The following DCC variants were observed in gnomAD, a reference collection of about 807,000 sequenced individuals.
The protein encoded by DCC is DCC netrin 1 receptor.
In DCC, 58 loss-of-function variants were observed where a neutral mutation model predicts 172.5. That is an observed-to-expected ratio of 0.34 (90% confidence interval 0.27 to 0.42). The LOEUF (loss-of-function observed/expected upper bound fraction) is 0.42. DCC is among the 10% of genes least tolerant of loss of function. The pLI is 1.00. For missense variants in DCC, 1,740 were observed against 1,791.0 expected, an observed-to-expected ratio of 0.97 and a Z score of 0.51; for synonymous variants, 709 against 644.5, an observed-to-expected ratio of 1.10 and a Z score of -1.52.
At chr18:53,101,282 G>C (rs1275834982) in intron 7 of DCC, among the ~76,000 whole-genome samples, 5 of 152,040 alleles carry the variant, frequency 3.3e-5, no homozygotes, top group Admixed American at 1.3e-4. Context: ...ACTTGGCATT[G>C]TGCTTGTTCA....
At chr18:53,321,989 G>C in intron 13 of DCC, 58 bp from the exon 14 acceptor site, 4 of 926,028 alleles carry the variant, frequency 4.3e-6, no homozygotes, top group South Asian at 3.9e-5. Context: ...TGGAAACCCA[G>C]GTAGGAATAC....
At position 53,486,794 on chromosome 18, in the gene DCC, C is replaced by T. The variant is rs753871227; in HGVS notation, c.3737-3C>T. The T allele has an allele frequency of 1.1e-5, 17 of 1,613,946 alleles. No homozygotes were observed. Among genetic ancestry groups the T allele is most frequent in the Non-Finnish European group, 1.3e-5 (15 of 1,180,018 alleles). On this transcript the variant is annotated splice_region_variant and splice_polypyrimidine_tract_variant and intron_variant, in intron 25 of 28. Transcript: ENST00000442544. ...AAAACCCATTAACCTTTTTCTTTTG[C>T]AGCTGTCGTGAGCGCCATCCCGGTG...
intron 28 of DCC, among the ~76,000 whole-genome samples, chr18:53,528,654 A>G (rs1394121430): frequency 2.0e-5 from 3 of 152,306 alleles, no homozygotes; most frequent in Admixed American, 6.5e-5. Context: ...CATAATGTGT[A>G]ATTTTAAATT....
intron 7 of DCC, among the ~76,000 whole-genome samples, chr18:53,146,333 G>GTGGT (rs2043914332): frequency 5.3e-5 from 8 of 152,226 alleles, no homozygotes. Context: ...ATCAGCAGAT[G>GTGGT]TGGTTGTCTG....
At chr18:53,276,406 T>C (rs2056807078) in intron 12 of DCC, among the ~76,000 whole-genome samples, 2 of 152,222 alleles carry the variant, frequency 1.3e-5, no homozygotes, top group African/African-American at 4.8e-5. Flanking sequence ...ATTCTAGTTC[T>C]CATTCCATTG....
chr18:53,087,562 C>G (rs2042933530), intron 7 of DCC, among the ~76,000 whole-genome samples: 1 of 152,040 alleles, frequency 6.6e-6, no homozygotes, highest in Non-Finnish European at 1.5e-5. Flanking sequence ...TGCCTGTTTA[C>G]TCTGATGGTA....
intron 2 of DCC, among the ~76,000 whole-genome samples, chr18:52,899,378 A>T (rs532594806): frequency 1.1e-4 from 6 of 54,412 alleles, no homozygotes; most frequent in Non-Finnish European, 2.0e-4. Context: ...TTTGAGACAG[A>T]GTTTCACTTT....
chr18:53,011,138 A>T (rs1327189809), intron 5 of DCC, among the ~76,000 whole-genome samples: 1 of 151,534 alleles, frequency 6.6e-6, no homozygotes, highest in Non-Finnish European at 1.5e-5. Context: ...AAGCAAAAAC[A>T]AGAGTATGTA....
At chr18:52,568,184 A>G (rs1215879071) in intron 1 of DCC, among the ~76,000 whole-genome samples, 2 of 152,148 alleles carry the variant, frequency 1.3e-5, no homozygotes, top group African/African-American at 2.4e-5. Flanking sequence ...AACTACACTT[A>G]TCTTATGAGG....
At chr18:52,617,002 C>T (rs1021301066) in intron 1 of DCC, among the ~76,000 whole-genome samples, 15 of 152,074 alleles carry the variant, frequency 9.9e-5, no homozygotes, top group African/African-American at 2.7e-4. Flanking sequence ...GTAAATAATA[C>T]GCTGGGCTAA....
intron 2 of DCC, among the ~76,000 whole-genome samples, chr18:52,828,136 C>T (rs2038545914): frequency 1.3e-5 from 2 of 152,084 alleles, no homozygotes; most frequent in Non-Finnish European, 2.9e-5. Context: ...GTTTTAGTAG[C>T]CATGTTACTC....
chr18:52,841,781 T>A (rs1036511338), intron 2 of DCC, among the ~76,000 whole-genome samples: 3 of 152,188 alleles, frequency 2.0e-5, no homozygotes, highest in Non-Finnish European at 4.4e-5. Context: ...CGTTTCCATC[T>A]GAACAACATT....
chr18:53,498,203 AT>A (rs1295557652), intron 26 of DCC, among the ~76,000 whole-genome samples: 1 of 152,090 alleles, frequency 6.6e-6, no homozygotes, highest in Non-Finnish European at 1.5e-5. Flanking sequence ...GAATTATCAG[AT>A]TTTCTATTTC....
intron 27 of DCC, among the ~76,000 whole-genome samples, chr18:53,512,755 T>G (rs1163755923): frequency 1.4e-5 from 2 of 148,008 alleles, no homozygotes; most frequent in African/African-American, 5.2e-5. Flanking sequence ...AAGGGAAGTT[T>G]AGAGAAAAAA....
At chr18:53,108,497 T>C (rs542403033) in intron 7 of DCC, among the ~76,000 whole-genome samples, 11 of 151,958 alleles carry the variant, frequency 7.2e-5, no homozygotes, top group Middle Eastern at 3.4e-3. Flanking sequence ...GTTTGAACTT[T>C]TAAAATCCTA....
chr18:52,418,713 T>C (rs1987133934), intron 1 of DCC, among the ~76,000 whole-genome samples: 1 of 152,126 alleles, frequency 6.6e-6, no homozygotes, highest in Admixed American at 6.5e-5. Context: ...AGATACCCAA[T>C]AGATCCTTGG....
chr18:52,799,301 T>C lies in DCC; in HGVS notation c.412+46927T>C, dbSNP rs12604744. 9.1e-3 allele frequency among the ~76,000 whole-genome samples: 1,387 copies of C among 152,314 alleles called. 32 individuals carry two copies. Among genetic ancestry groups the C allele is most frequent in the East Asian group, 0.088 (458 of 5,182 alleles). ...CTTCAGATTGCTATAGTTTGAAGTT[T>C]GGGAATTTGGGGAGTAATATACTCC... On this transcript the variant is annotated intron_variant, in intron 2 of 28. Coordinates refer to ENST00000442544, the MANE Select transcript of DCC (RefSeq NM_005215.4).
At position 52,752,075 on chromosome 18, in the gene DCC, C is replaced by A. The variant is rs1040684774; in HGVS notation, c.113C>A (p.Thr38Lys). 6.2e-7 allele frequency: 1 copy of A among 1,614,090 alleles called. No individual in the cohort carries two copies. Among genetic ancestry groups the A allele is most frequent in the South Asian group, 1.1e-5 (1 of 91,070 alleles). ...CCAGGTTTTCAAATTAAAGCTTTCA[C>A]AGCACTGCGCTTCCTCTCAGAACCT... ...QVTGFQIKAF[T>K]ALRFLSEPSD... Residue 38 changes from threonine (T) to lysine (K), a missense_variant, in exon 2 of 29, where the codon ACA becomes AAA. Around this residue, in one of 2 missense-constraint regions of DCC, gnomAD observed 1,732 missense variants for 1,767.4 expected, o/e 0.98. Coordinates refer to ENST00000442544, the MANE Select transcript of DCC (RefSeq NM_005215.4).
intron 3 of DCC, among the ~76,000 whole-genome samples, chr18:52,911,867 G>T (rs1598922413): frequency 6.6e-6 from 1 of 151,830 alleles, no homozygotes; most frequent in African/African-American, 2.4e-5. Flanking sequence ...TGGATAAAAT[G>T]ATTTCTTGTG....
Sources: gnomAD v4.1 joint callset for allele counts (sites outside exome capture counted in the v4.1 genomes callset) on GRCh38, gnomAD v4.1.1 for gene constraint, gnomAD v4.1.1 regional missense constraint, MANE v1.5 for transcripts, NCBI Gene and HGNC (gene_info 2026-07-23, HGNC 2026-07-21) for gene names.